Variants in CHD6 observed in about 807,000 individuals in gnomAD.
CHD6 encodes ATP-dependent chromatin remodeler CHD6.
In CHD6, 50 loss-of-function variants were observed where a neutral mutation model predicts 276.9. The observed-to-expected ratio is 0.18, with a 90% CI of 0.14 to 0.23. The LOEUF is 0.23. Among genes scored for constraint, CHD6 ranks in the 10% least tolerant of loss-of-function variants. The pLI is 1.00. For missense variants in CHD6, 2,564 were observed against 3,365.8 expected (o/e 0.76, Z 5.89); for synonymous variants, 1,173 against 1,229.3 (o/e 0.95, Z 0.96).
At chr20:41,556,584 A>G (rs954499813) in intron 1 of CHD6, among the ~76,000 whole-genome samples, 1 of 152,134 alleles carries the variant, frequency 6.6e-6, no homozygotes, top group Non-Finnish European at 1.5e-5. Flanking sequence ...TGAGGCAGAG[A>G]GAATGTGCAT....
At chr20:41,541,812 ACT>A (rs2044948199) in intron 2 of CHD6, among the ~76,000 whole-genome samples, 1 of 152,064 alleles carries the variant, frequency 6.6e-6, no homozygotes, top group Admixed American at 6.6e-5. Context: ...CAAATACTTG[ACT>A]CTGTCGTTTT....
intron 16 of CHD6, among the ~76,000 whole-genome samples, chr20:41,475,389 C>T (rs1211977964): frequency 6.6e-6 from 1 of 152,198 alleles, no homozygotes; most frequent in African/African-American, 2.4e-5. Flanking sequence ...CACACTGTAC[C>T]TTACATTTCA....
At chr20:41,600,904 C>G (rs2045766787) in intron 1 of CHD6, among the ~76,000 whole-genome samples, 1 of 152,146 alleles carries the variant, frequency 6.6e-6, no homozygotes. Flanking sequence ...TGGAAACATA[C>G]CCAGCCCCAC....
chr20:41,567,853 G>A (rs924827998), intron 1 of CHD6, among the ~76,000 whole-genome samples: 1 of 152,126 alleles, frequency 6.6e-6, no homozygotes, highest in African/African-American at 2.4e-5. Context: ...ACTCCCTGAA[G>A]GAACACAAGG....
chr20:41,457,221 A>G (rs1328970363), intron 18 of CHD6, 43 bp downstream of exon 18: 1 of 1,590,160 alleles, frequency 6.3e-7, no homozygotes, highest in Non-Finnish European at 8.6e-7. Flanking sequence ...GGGCTGTGCG[A>G]CCAATGTTCC....
intron 5 of CHD6, among the ~76,000 whole-genome samples, chr20:41,507,245 TTAAC>T (rs2145937085): frequency 6.6e-6 from 1 of 152,318 alleles, no homozygotes; most frequent in South Asian, 2.1e-4. Flanking sequence ...TTCAGAATAT[TTAAC>T]TAGGACCAAA....
At chr20:41,498,282 G>C in intron 6 of CHD6, 56 bp from the exon 7 acceptor site, 1 of 1,244,702 alleles carries the variant, frequency 8.0e-7, no homozygotes, top group Non-Finnish European at 1.2e-6. Flanking sequence ...CACCCTTACT[G>C]AGCCAAAAGA....
chr20:41,539,564 G>A (rs963416047), intron 2 of CHD6, among the ~76,000 whole-genome samples: 67 of 152,326 alleles, frequency 4.4e-4, no homozygotes, highest in African/African-American at 9.9e-4. Context: ...CCCCACTGGG[G>A]CCCCATGAGG....
rs112010600 is a variant in CHD6, at chr20:41,440,515, G to C, written c.3878-386C>G. Among the ~76,000 whole-genome samples, 10 of 152,278 alleles carry C rather than the reference G, an allele frequency of 6.6e-5. 1 individual carries two copies. Among genetic ancestry groups the C allele is most frequent in the African/African-American group, 2.4e-4 (10 of 41,552 alleles). On this transcript the variant is annotated intron_variant, in intron 25 of 36. Coordinates refer to ENST00000373233, the MANE Select transcript of CHD6 (RefSeq NM_032221.5). The stretch of plus-strand genomic sequence containing the variant: ...CAGCTCATTTTTATCCCATGTGTTA[G>C]AAAGGGAAGGTGAACATGATGGATG...
chr20:41,612,631 T>C (rs1434670898), intron 1 of CHD6, among the ~76,000 whole-genome samples: 2 of 152,254 alleles, frequency 1.3e-5, no homozygotes, highest in South Asian at 2.1e-4. Context: ...TGTAAAATTC[T>C]TTCCGTAAAT....
chr20:41,609,626 AT>A (rs1268919743), intron 1 of CHD6, among the ~76,000 whole-genome samples: 5 of 152,198 alleles, frequency 3.3e-5, no homozygotes, highest in Admixed American at 1.3e-4. Context: ...GAACCTTCCA[AT>A]TTTAATGTTC....
chr20:41,404,673 C>T lies in CHD6; in HGVS notation c.8068G>A (p.Ala2690Thr). The change falls in exon 37 of 37, where the codon GCC becomes ACC. Residue 2690 changes from alanine to threonine, a missense_variant. By Grantham distance (58) the Ala-to-Thr change is moderately conservative. Around this residue, in one of 7 missense-constraint regions of CHD6, gnomAD observed 238 missense variants for 266.0 expected, o/e 0.89. Transcript: ENST00000373233. ...SGDENCAEPS[A>T]PLPAEREHGA... ...TGTTCTCTCTCTGCGGGCAAAGGGGCACTGGGTTCGGCACAGTTCTCATCA... is the reference window on the plus strand; with the variant it reads ...TGTTCTCTCTCTGCGGGCAAAGGGGTACTGGGTTCGGCACAGTTCTCATCA... 6.4e-7 allele frequency: 1 copy of T among 1,554,610 alleles called. No homozygotes were observed. Among genetic ancestry groups the T allele is most frequent in the Non-Finnish European group, 8.7e-7 (1 of 1,149,856 alleles).
At chr20:41,541,026 A>C (rs1036433967) in intron 2 of CHD6, among the ~76,000 whole-genome samples, 3 of 148,874 alleles carry the variant, frequency 2.0e-5, no homozygotes, top group Non-Finnish European at 3.0e-5. Context: ...GAACATACTA[A>C]ATGTAGAAAA....
intron 31 of CHD6, 140 bp from the exon 32 acceptor site, chr20:41,417,489 T>C (rs1035786927): frequency 1.1e-5 from 8 of 705,232 alleles, no homozygotes; most frequent in African/African-American, 1.8e-5. Flanking sequence ...ATATTAATTA[T>C]GATATCTTCT....
intron 2 of CHD6, among the ~76,000 whole-genome samples, chr20:41,546,377 C>T (rs1266104005): frequency 6.6e-6 from 1 of 152,142 alleles, no homozygotes; most frequent in African/African-American, 2.4e-5. Context: ...CAGCTCCAAG[C>T]CGTCATCCTA....
chr20:41,578,562 C>A (rs369180153), intron 1 of CHD6, among the ~76,000 whole-genome samples: 33 of 152,068 alleles, frequency 2.2e-4, no homozygotes, highest in African/African-American at 6.3e-4. Context: ...CGCCTATAAT[C>A]CCAGCTACTC....
intron 5 of CHD6, among the ~76,000 whole-genome samples, chr20:41,503,124 G>A (rs571638628): frequency 2.6e-5 from 4 of 152,112 alleles, no homozygotes; most frequent in Non-Finnish European, 5.9e-5. Context: ...TGTATTTTTT[G>A]AGTTATTCCA....
chr20:41,547,249 C>T (rs1171483405), intron 2 of CHD6, among the ~76,000 whole-genome samples: 1 of 152,166 alleles, frequency 6.6e-6, no homozygotes, highest in Non-Finnish European at 1.5e-5. Context: ...ACCAAGTACT[C>T]GACGAATTAC....
chr20:41,599,656 A>G (rs929305760), intron 1 of CHD6, among the ~76,000 whole-genome samples: 1 of 152,154 alleles, frequency 6.6e-6, no homozygotes, highest in Non-Finnish European at 1.5e-5. Flanking sequence ...GAAGAACTAT[A>G]AACTCAAGAG....
Sources: gnomAD v4.1 joint callset for allele counts (sites outside exome capture counted in the v4.1 genomes callset) on GRCh38, gnomAD v4.1.1 for gene constraint, gnomAD v4.1.1 regional missense constraint, MANE v1.5 for transcripts, NCBI Gene and HGNC (gene_info 2026-07-23, HGNC 2026-07-21) for gene names.